The following MYO15A variants were observed in gnomAD, a reference collection of about 807,000 sequenced individuals.
The protein encoded by MYO15A is unconventional myosin-XV.
Under a neutral mutation model 394.6 loss-of-function variants are expected in MYO15A, and 308 were observed. The observed-to-expected ratio is 0.78, with a 90% CI of 0.71 to 0.86. The LOEUF is 0.86. MYO15A is among the 40% of genes least tolerant of loss of function. MYO15A has a pLI of 0.00. For synonymous variants in MYO15A, 1,957 were observed against 2,003.8 expected, an observed-to-expected ratio of 0.98 and a Z score of 0.62; for missense variants, 4,606 against 4,799.1, an observed-to-expected ratio of 0.96 and a Z score of 1.19.
rs1475756603 is a variant in MYO15A at position 18,142,647 on chromosome 17, G to A, written c.5826-109G>A. 5.4e-6 allele frequency: 5 copies of A among 921,578 alleles called. No individual in the cohort carries two copies. In the South Asian group the frequency reaches 5.5e-5, roughly 10 times the overall value. 57.1% of individuals were successfully genotyped at this position (921,578 alleles called of 1,614,324 possible). A position where few individuals can be genotyped will look rare whatever the true frequency, so the allele number is the denominator to read the frequency against. Reference sequence around the variant, plus strand: ...CTTTGAGCCAAAGGACCCCAAAAGTGAGATGTGGGCACTGGCTCCCAGGCC... The same window carrying A: ...CTTTGAGCCAAAGGACCCCAAAAGTAAGATGTGGGCACTGGCTCCCAGGCC... On this transcript the variant is annotated intron_variant, in intron 24 of 65. Transcript: ENST00000647165.
In MYO15A at chr17:18,156,478, A is replaced by G. The variant is rs1164399197; in HGVS notation, c.8601+142A>G. 2.9e-6 allele frequency: 3 copies of G among 1,017,294 alleles called. No homozygotes were observed. The African/African-American group carries it at 4.8e-5, about 16-fold the overall frequency. 63.0% of individuals were successfully genotyped at this position (1,017,294 alleles called of 1,614,324 possible). A position where few individuals can be genotyped will look rare whatever the true frequency, so the allele number is the denominator to read the frequency against. ...GCACTGGCTGTGCCTTCCACTTGGA[A>G]TACCCTTTCTCCCTTTTGCCTGCTC... On this transcript the variant is annotated intron_variant, in intron 48 of 65. Coordinates refer to ENST00000647165, the MANE Select transcript of MYO15A (RefSeq NM_016239.4).
At chr17:18,173,737 T>G in intron 64 of MYO15A, 44 bp from the exon 65 acceptor site, 2 of 1,613,194 alleles carry the variant, frequency 1.2e-6, no homozygotes, top group Non-Finnish European at 1.7e-6. Context: ...GTTGAGACTA[T>G]CCTCGCCCAC....
rs765193715 is a variant in MYO15A, at chr17:18,126,816, G to A, written c.3892G>A (p.Ala1298Thr). 12 of 1,613,548 alleles carry A rather than the reference G, an allele frequency of 7.4e-6. No individual in the cohort carries two copies. Among genetic ancestry groups the A allele is most frequent in the African/African-American group, 4.0e-5 (3 of 74,722 alleles). ...PPHLFAVANL[A>T]FAKMLDAKQN... ...GCACCTCTTTGCTGTTGCAAATCTC[G>A]CCTTCGCCAAAATGCTCGATGCCAA... The change falls in exon 6 of 66, where the codon GCC becomes ACC. Residue 1298 changes from alanine (A) to threonine (T), a missense_variant. Physicochemically the swap from Ala to Thr is moderately conservative, Grantham distance 58. Around this residue, in one of 2 missense-constraint regions of MYO15A, gnomAD observed 2,776 missense variants for 3,109.3 expected, o/e 0.89. Transcript: ENST00000647165.
In MYO15A at chr17:18,136,552, C is replaced by T. The variant is rs531013808; in HGVS notation, c.4656-11C>T. The T allele has an allele frequency of 8.1e-6, 13 of 1,613,998 alleles. No homozygotes were observed. The South Asian group carries it at 1.2e-4, about 15-fold the overall frequency. Reference sequence around the variant, plus strand: ...GGTGTCCTGCTCACACCAGCACCACCTCTGCTCCAGGGACGCCATCGCCAA... The same window carrying T: ...GGTGTCCTGCTCACACCAGCACCACTTCTGCTCCAGGGACGCCATCGCCAA... On this transcript the variant is annotated splice_polypyrimidine_tract_variant and intron_variant, in intron 14 of 65. Transcript: ENST00000647165.
intron 1 of MYO15A, among the ~76,000 whole-genome samples, chr17:18,116,326 G>C (rs1383479138): frequency 6.6e-6 from 1 of 152,242 alleles, no homozygotes; most frequent in Non-Finnish European, 1.5e-5. Flanking sequence ...AGTGTCCTAA[G>C]CCACTCTAAA....
At chr17:18,160,691 G>A (rs953152483) in intron 56 of MYO15A, 1 of 205,862 alleles carries the variant, frequency 4.9e-6, no homozygotes, top group Non-Finnish European at 1.0e-5. Context: ...CCAGAGCGGG[G>A]TGGGTGGTTT....
intron 47 of MYO15A, chr17:18,155,946 G>A: frequency 3.6e-6 from 2 of 555,394 alleles, no homozygotes; most frequent in South Asian, 4.0e-5. Flanking sequence ...TAGATTTAGA[G>A]CTTGGACCAA....
At chr17:18,167,415 G>A (rs202178397) in intron 61 of MYO15A, among the ~76,000 whole-genome samples, 175 bp from the exon 62 acceptor site, 9 of 152,328 alleles carry the variant, frequency 5.9e-5, no homozygotes, top group East Asian at 5.8e-4. Flanking sequence ...GCCCTCCCAC[G>A]TCACCCTTAT....
At chr17:18,109,677 C>T (rs1330450234) in intron 1 of MYO15A, 2 of 152,186 alleles carry the variant, frequency 1.3e-5, no homozygotes, top group African/African-American at 4.8e-5. Flanking sequence ...CCCTGATGAT[C>T]ACAGGCAGGG....
At chr17:18,116,456 C>A (rs2045785981) in intron 1 of MYO15A, among the ~76,000 whole-genome samples, 1 of 152,254 alleles carries the variant, frequency 6.6e-6, no homozygotes, top group Non-Finnish European at 1.5e-5. Context: ...GTCCCTTCAT[C>A]TTTTGAGTCT....
Position 18,148,570 on chromosome 17 carries a change from T to C in MYO15A, c.6764+2T>C, listed in dbSNP as rs763975867. On this transcript the variant is annotated splice_donor_variant, in intron 32 of 65. Coordinates refer to ENST00000647165, the MANE Select transcript of MYO15A (RefSeq NM_016239.4). LOFTEE classifies it high-confidence loss of function. This position sits in a 1 kb window ranked among gnomAD's most constrained non-coding sequence, Gnocchi z 4.8. ...GGCTGGAGACATTCTGAGGCACAGG[T>C]TGGCTCCTAGGATGCCCTCCCAGCA... 6.4e-7 allele frequency: 1 copy of C among 1,551,554 alleles called. No individual in the cohort carries two copies.
chr17:18,151,509 G>T lies in MYO15A; in HGVS notation c.7769G>T (p.Gly2590Val). 6.2e-7 allele frequency: 1 copy of T among 1,614,146 alleles called. No individual in the cohort carries two copies. Among genetic ancestry groups the T allele is most frequent in the Non-Finnish European group, 8.5e-7 (1 of 1,180,042 alleles). Reference sequence around the variant, plus strand: ...CAGTACCAGCAGCCGTTCCGGGGAGGCCGGCCTGAGGCCCTCAGGTCAGCA... The same window carrying T: ...CAGTACCAGCAGCCGTTCCGGGGAGTCCGGCCTGAGGCCCTCAGGTCAGCA... ...VRQYQQPFRGGRPEALRKDGG... is the reference protein window; with the variant it reads ...VRQYQQPFRGVRPEALRKDGG... Residue 2590 changes from glycine (G) to valine (V), a missense_variant, in exon 40 of 66, where the codon GGC becomes GTC. Physicochemically the swap from Gly to Val is moderately radical, Grantham distance 109. Around this residue, in one of 2 missense-constraint regions of MYO15A, gnomAD observed 2,776 missense variants for 3,109.3 expected, o/e 0.89. Transcript: ENST00000647165.
At chr17:18,127,836 TATA>T (rs2046079935) in intron 7 of MYO15A, among the ~76,000 whole-genome samples, 1 of 55,918 alleles carries the variant, frequency 1.8e-5, no homozygotes, top group Non-Finnish European at 3.5e-5. Flanking sequence ...AAAAAAAAGA[TATA>T]TATATATATA....
chr17:18,140,466 C>T lies in MYO15A; in HGVS notation c.5212-51C>T, dbSNP rs143418025. The stretch of plus-strand genomic sequence containing the variant: ...TCCTGCTCTCTCTTCCTCCTCATTT[C>T]GGTCTCCCGGACCCTGCCTGTCTGT... On this transcript the variant is annotated intron_variant, in intron 19 of 65. Coordinates refer to ENST00000647165, the MANE Select transcript of MYO15A (RefSeq NM_016239.4). 5,386 of 1,611,626 alleles carry T rather than the reference C, an allele frequency of 3.3e-3. 30 individuals carry two copies. Among genetic ancestry groups the T allele is most frequent in the Middle Eastern group, 0.027 (161 of 6,060 alleles).
Position 18,124,558 on chromosome 17 carries a change from C to T in MYO15A, c.3685C>T (p.Gln1229Ter), listed in dbSNP as rs121908968. Residue 1229 changes from glutamine to a stop codon, truncating the protein, a stop_gained, in exon 3 of 66, where the codon CAG becomes TAG. Transcript: ENST00000647165. LOFTEE classifies it high-confidence loss of function. ...HGEDGVEDMTQLEDLQETTVL... is the reference protein window; with the variant it reads ...HGEDGVEDMT ...GGAGGATGGTGTGGAGGACATGACACAGCTGGAGTGAGTGGGCAGGGCCGG... is the reference window on the plus strand; with the variant it reads ...GGAGGATGGTGTGGAGGACATGACATAGCTGGAGTGAGTGGGCAGGGCCGG... 1 of 1,613,186 alleles carries T rather than the reference C, an allele frequency of 6.2e-7. No homozygotes were observed. Among genetic ancestry groups the T allele is most frequent in the South Asian group, 1.1e-5 (1 of 91,074 alleles).
chr17:18,130,767 G>C (rs772251781), intron 7 of MYO15A, 38 bp from the exon 8 acceptor site: 4 of 1,611,698 alleles, frequency 2.5e-6, no homozygotes, highest in South Asian at 1.1e-5. Context: ...TTCTGTTCTT[G>C]TCTGTCTCTT....
In MYO15A at chr17:18,153,715, ATT is replaced by A; in HGVS notation, c.7967-59_7967-58del. On this transcript the variant is annotated intron_variant, in intron 42 of 65. Transcript: ENST00000647165. This position sits in a 1 kb window ranked among gnomAD's most constrained non-coding sequence, Gnocchi z 4.1. ...CTCCGTCTCAAAAATATATATATAT[ATT>A]AATTAAATAAAAAAACGAGGTGCCT... 1.3e-6 allele frequency: 2 copies of A among 1,495,902 alleles called. No homozygotes were observed. Among genetic ancestry groups the A allele is most frequent in the Admixed American group, 2.1e-5 (1 of 48,502 alleles). The allele number at this position is 1,495,902 out of a possible 1,614,324, so 92.7% of individuals were successfully genotyped here.
chr17:18,122,583 G>A (rs1434511938), intron 2 of MYO15A, 174 bp downstream of exon 2: 2 of 994,444 alleles, frequency 2.0e-6, no homozygotes, highest in African/African-American at 1.6e-5. Context: ...CCTCTGGAGG[G>A]TTGAACAAGG....
Position 18,138,862 on chromosome 17 carries a change from C to A in MYO15A, c.5059C>A (p.Pro1687Thr). Residue 1687 changes from proline to threonine, a missense_variant, in exon 18 of 66, where the codon CCG becomes ACG. Physicochemically the swap from Pro to Thr is conservative, Grantham distance 38. Coordinates refer to ENST00000647165, the MANE Select transcript of MYO15A (RefSeq NM_016239.4). ...QKCHYHHGAN[P>T]LYSKPKMPLP... ...GTGCCACTACCATCATGGCGCCAAC[C>A]CGCTCTATTCCAAACCCAAGATGCC... 1 of 1,613,774 alleles carries A rather than the reference C, an allele frequency of 6.2e-7. No individual in the cohort carries two copies. Among genetic ancestry groups the A allele is most frequent in the Non-Finnish European group, 8.5e-7 (1 of 1,179,906 alleles).
Sources: gnomAD v4.1 joint callset for allele counts (sites outside exome capture counted in the v4.1 genomes callset) on GRCh38, gnomAD v4.1.1 for gene constraint, gnomAD v4.1.1 regional missense constraint, Gnocchi (gnomAD v3.1) non-coding constraint, MANE v1.5 for transcripts, NCBI Gene and HGNC (gene_info 2026-07-23, HGNC 2026-07-21) for gene names.